SGF29: variants seen among roughly 807,000 people sequenced by gnomAD.
SGF29 encodes the protein SAGA-associated factor 29.
Under a neutral mutation model 38.1 loss-of-function variants are expected in SGF29, and 15 were observed. That is an observed-to-expected ratio of 0.39 (90% CI 0.26 to 0.61). The LOEUF (loss-of-function observed/expected upper bound fraction) is 0.61. Among genes scored for constraint, SGF29 ranks in the 20% least tolerant of loss-of-function variants. The pLI is 0.49. For missense variants in SGF29, 184 were observed against 394.6 expected (o/e 0.47, Z 4.52); for synonymous variants, 151 against 160.8 (o/e 0.94, Z 0.46).
In SGF29 at chr16:28,591,518, G is replaced by C. The variant is rs147752351; in HGVS notation, c.766-72G>C. 1.2e-3 allele frequency: 1,289 copies of C among 1,055,928 alleles called. 12 individuals are homozygous for C. In the African/African-American group the frequency reaches 0.018, roughly 15 times the overall value. The allele number at this position is 1,055,928 out of a possible 1,614,324, so 65.4% of individuals were successfully genotyped here. ...ACGGCCCAGAGCCTCCTGTGGTCTA[G>C]GCTGGGGGAAGGGGGTGCCTGTCCT... is the stretch of plus-strand genomic sequence containing the variant. On this transcript the variant is annotated intron_variant, in intron 9 of 9. Coordinates refer to ENST00000317058, the MANE Select transcript of SGF29 (RefSeq NM_138414.3).
intron 1 of SGF29, among the ~76,000 whole-genome samples, chr16:28,562,225 C>T (rs1437419234): frequency 6.6e-6 from 1 of 152,216 alleles, no homozygotes; most frequent in Non-Finnish European, 1.5e-5. Flanking sequence ...TCACTAAGTG[C>T]ATGCTCTGGG....
intron 1 of SGF29, among the ~76,000 whole-genome samples, chr16:28,577,946 G>T (rs762907150): frequency 9.9e-5 from 15 of 152,216 alleles, no homozygotes; most frequent in Non-Finnish European, 2.1e-4. Flanking sequence ...TGGTTTCTCA[G>T]TTCTATTCCA....
intron 1 of SGF29, among the ~76,000 whole-genome samples, chr16:28,560,999 C>T (rs931638474): frequency 2.0e-5 from 3 of 151,416 alleles, no homozygotes; most frequent in African/African-American, 7.3e-5. Context: ...AGATCAACCC[C>T]AAGAGGACCC....
chr16:28,555,897 C>T (rs757117937), intron 1 of SGF29, among the ~76,000 whole-genome samples: 1 of 152,148 alleles, frequency 6.6e-6, no homozygotes, highest in Non-Finnish European at 1.5e-5. Context: ...ATGCTGAAGT[C>T]GTGACACAAC....
chr16:28,563,610 G>A (rs938365029), intron 1 of SGF29, among the ~76,000 whole-genome samples: 31 of 151,966 alleles, frequency 2.0e-4, no homozygotes, highest in African/African-American at 7.0e-4. Flanking sequence ...TGCCTGTAGC[G>A]ATAGGAGATT....
intron 1 of SGF29, among the ~76,000 whole-genome samples, chr16:28,563,660 T>G (rs1200752042): frequency 6.6e-6 from 1 of 151,738 alleles, no homozygotes; most frequent in Non-Finnish European, 1.5e-5. Context: ...TTTTACTACG[T>G]GCATATATTG....
At chr16:28,565,558 C>T (rs1451172336) in intron 1 of SGF29, among the ~76,000 whole-genome samples, 3 of 152,018 alleles carry the variant, frequency 2.0e-5, no homozygotes, top group Non-Finnish European at 2.9e-5. Context: ...AGTGCAATGG[C>T]GCGATTTTGG....
intron 1 of SGF29, among the ~76,000 whole-genome samples, chr16:28,564,706 T>TAC (rs1416210907): frequency 4.0e-5 from 3 of 74,968 alleles, no homozygotes; most frequent in Non-Finnish European, 8.0e-5. Context: ...TGTATATATA[T>TAC]ACATATATAT....
At chr16:28,570,017 G>C (rs889173330) in intron 1 of SGF29, among the ~76,000 whole-genome samples, 1 of 152,236 alleles carries the variant, frequency 6.6e-6, no homozygotes. Flanking sequence ...TTGGGCCCAG[G>C]CAGAGAACTG....
At chr16:28,554,438 A>C (rs900242422) in intron 1 of SGF29, among the ~76,000 whole-genome samples, 2 of 152,202 alleles carry the variant, frequency 1.3e-5, no homozygotes, top group Non-Finnish European at 2.9e-5. Context: ...ATGCGGACAG[A>C]GGATGGGCCC....
In SGF29 at chr16:28,590,278, C is replaced by T. The variant is rs139914787; in HGVS notation, c.420-18C>T. The T allele has an allele frequency of 8.4e-4, 1,346 of 1,608,470 alleles. 11 individuals carry two copies. The African/African-American group carries it at 0.017, about 20-fold the overall frequency. On this transcript the variant is annotated intron_variant, in intron 6 of 9. Transcript: ENST00000317058. This position sits in a 1 kb window ranked among gnomAD's most constrained non-coding sequence, Gnocchi z 8.2. Reference sequence around the variant, plus strand: ...CTGGTGCCCAGGGGCTGGGACTGACCCTTTGTTCCACTCACAGGCCCCCAC... The same window carrying T: ...CTGGTGCCCAGGGGCTGGGACTGACTCTTTGTTCCACTCACAGGCCCCCAC...
At chr16:28,589,687 A>ATT (rs200557913) in intron 5 of SGF29, among the ~76,000 whole-genome samples, 1 of 150,216 alleles carries the variant, frequency 6.7e-6, no homozygotes, top group African/African-American at 2.4e-5. Flanking sequence ...TGCACATTTA[A>ATT]TTTTTTTTTT....
intron 1 of SGF29, among the ~76,000 whole-genome samples, chr16:28,564,689 A>ATATATGTATATATATGTG (rs2046819704): frequency 2.5e-5 from 2 of 80,820 alleles, no homozygotes; most frequent in African/African-American, 1.1e-4. Context: ...ATATATGTGT[A>ATATATGTATATATATGTG]TATATATGTA....
chr16:28,580,610 T>G (rs2046919497), intron 1 of SGF29, among the ~76,000 whole-genome samples: 1 of 152,168 alleles, frequency 6.6e-6, no homozygotes, highest in African/African-American at 2.4e-5. Context: ...TCTTAAATAC[T>G]TCTCCAAAGA....
intron 1 of SGF29, among the ~76,000 whole-genome samples, chr16:28,562,506 G>A (rs1221050738): frequency 2.0e-5 from 3 of 152,014 alleles, no homozygotes; most frequent in East Asian, 3.9e-4. Context: ...CATGCTGCTC[G>A]CCTCTTCAGT....
chr16:28,571,686 G>A (rs540482592), intron 1 of SGF29, among the ~76,000 whole-genome samples: 1 of 152,144 alleles, frequency 6.6e-6, no homozygotes, highest in African/African-American at 2.4e-5. Flanking sequence ...TAGTTGACGC[G>A]GTAGCTTGCA....
intron 1 of SGF29, among the ~76,000 whole-genome samples, chr16:28,569,497 A>T (rs1291002936): frequency 6.6e-6 from 1 of 151,842 alleles, no homozygotes; most frequent in Non-Finnish European, 1.5e-5. Flanking sequence ...CTGTCTCTAC[A>T]AAAAATTAGC....
Position 28,590,250 on chromosome 16 carries a change from G to A in SGF29, c.419+25G>A. The A allele has an allele frequency of 1.2e-6, 2 of 1,609,636 alleles. No homozygotes were observed. Among genetic ancestry groups the A allele is most frequent in the East Asian group, 2.2e-5 (1 of 44,692 alleles). On this transcript the variant is annotated intron_variant, in intron 6 of 9. Transcript: ENST00000317058. This position sits in a 1 kb window ranked among gnomAD's most constrained non-coding sequence, Gnocchi z 8.2. The stretch of plus-strand genomic sequence containing the variant: ...AGTGAGGGCAGCAGCTGCGAGGGAG[G>A]GGCTGGTGCCCAGGGGCTGGGACTG...
chr16:28,556,646 C>G (rs2046753980), intron 1 of SGF29, among the ~76,000 whole-genome samples: 1 of 151,454 alleles, frequency 6.6e-6, no homozygotes, highest in Non-Finnish European at 1.5e-5. Flanking sequence ...TGCGCCCAAC[C>G]TACTTATGTT....
Sources: gnomAD v4.1 joint callset for allele counts (sites outside exome capture counted in the v4.1 genomes callset) on GRCh38, gnomAD v4.1.1 for gene constraint, Gnocchi (gnomAD v3.1) non-coding constraint, MANE v1.5 for transcripts, NCBI Gene and HGNC (gene_info 2026-07-23, HGNC 2026-07-21) for gene names.